ZNF112: variants seen among roughly 807,000 people sequenced by gnomAD.
The protein encoded by ZNF112 is zinc finger protein 112, also known as zinc finger protein 112 (Y14).
ZNF112 carries 37 observed loss-of-function variants against 77.7 expected under a neutral mutation model. That is an observed-to-expected ratio of 0.48 (90% CI 0.37 to 0.63). The LOEUF (loss-of-function observed/expected upper bound fraction) is 0.63. ZNF112 is among the 20% of genes least tolerant of loss of function. The probability of loss-of-function intolerance (pLI) is 0.00; values close to 1 mark genes in which losing one functional copy is unlikely to be tolerated. For missense variants in ZNF112, 950 were observed against 1,077.4 expected (o/e 0.88, Z 1.66); for synonymous variants, 333 against 363.6 (o/e 0.92, Z 0.96).
Position 44,328,653 on chromosome 19 carries a change from A to G in ZNF112, c.1504T>C (p.Trp502Arg). The G allele has an allele frequency of 1.2e-6, 2 of 1,614,110 alleles. No individual in the cohort carries two copies. The highest frequency in any genetic ancestry group is 8.5e-7 in the Non-Finnish European group (1 of 1,180,008). Residue 502 changes from tryptophan (W) to arginine (R), a missense_variant, in exon 4 of 4, where the codon TGG (tryptophan) becomes CGG (arginine). Physicochemically the swap from Trp to Arg is moderately radical, Grantham distance 101. Around this residue, in one of 3 missense-constraint regions of ZNF112, gnomAD observed 560 missense variants for 557.3 expected, o/e 1.00. Coordinates refer to ENST00000354340, the MANE Select transcript of ZNF112 (RefSeq NM_013380.4). ...PRKEHGNGFNWSSKLKDHQRV... is the reference protein window; with the variant it reads ...PRKEHGNGFNRSSKLKDHQRV... ...TGATGATCTTTAAGTTTTGAGCTCC[A>G]GTTGAAGCCATTCCCATGCTCCTTA... is the stretch of plus-strand genomic sequence containing the variant.
At position 44,329,604 on chromosome 19, in the gene ZNF112, A is replaced by C. The variant is rs1568660082; in HGVS notation, c.553T>G (p.Ser185Ala). 6.2e-7 allele frequency: 1 copy of C among 1,614,062 alleles called. No homozygotes were observed. ...TGACATCTACACTGATAATTATGTG[A>C]CTCTTTCAGATACATTTTCCTCCAA... ...HSWRKMYLKE[S>A]HNYQCRCQQI... The change falls in exon 4 of 4, where the codon TCA (serine) becomes GCA (alanine). Residue 185 changes from serine (S) to alanine (A), a missense_variant. By Grantham distance (99) the Ser-to-Ala change is moderately conservative. This residue lies in a region of ZNF112 where 560 missense variants were observed against 557.3 expected (regional missense o/e 1.00). Transcript: ENST00000354340.
chr19:44,333,860 G>A (rs1431045504), intron 3 of ZNF112, among the ~76,000 whole-genome samples: 1 of 152,176 alleles, frequency 6.6e-6, no homozygotes, highest in Non-Finnish European at 1.5e-5. Context: ...CAGAAAAGTG[G>A]GGCATTGCTA....
chr19:44,358,292 T>A (rs7252398), upstream of ZNF112, among the ~76,000 whole-genome samples: 73,586 of 151,970 alleles, frequency 0.48, 19,079 homozygotes, highest in South Asian at 0.65. Context: ...GGATTTTTTT[T>A]TATAAAATGA....
At chr19:44,348,617 C>T (rs1258510779) in intron 1 of ZNF112, among the ~76,000 whole-genome samples, 1 of 151,984 alleles carries the variant, frequency 6.6e-6, no homozygotes, top group Non-Finnish European at 1.5e-5. Context: ...GGACAATCTC[C>T]AAATGTTTGG....
chr19:44,346,006 C>T (rs1029810180), intron 1 of ZNF112, among the ~76,000 whole-genome samples: 4 of 152,164 alleles, frequency 2.6e-5, no homozygotes, highest in Admixed American at 6.5e-5. Flanking sequence ...AGAAGAGACA[C>T]ACAAAAACAA....
At chr19:44,335,798 T>G (rs1187692281) in intron 3 of ZNF112, among the ~76,000 whole-genome samples, 1 of 152,242 alleles carries the variant, frequency 6.6e-6, no homozygotes, top group African/African-American at 2.4e-5. Context: ...GTTAATTTGT[T>G]TTGAATTTTC....
rs575437829 is a variant in ZNF112, at chr19:44,329,425, T to A, written c.732A>T (p.Ser244=). 2.5e-6 allele frequency: 4 copies of A among 1,614,066 alleles called. No homozygotes were observed. The East Asian group carries it at 6.7e-5, about 27-fold the overall frequency. ...IMKVSLLNQE[S]IQTEEKPYPC... is the part of the protein sequence containing the mutation. ...GATAGGGCTTCTCCTCTGTTTGAAT[T>A]GACTCCTGATTAAGTAATGATACCT... The change falls in exon 4 of 4, where the codon TCA becomes TCT. Residue 244 remains serine (S), a synonymous_variant. Transcript: ENST00000354340.
chr19:44,336,437 T>C (rs535686268), intron 3 of ZNF112, among the ~76,000 whole-genome samples, 186 bp downstream of exon 3: 1 of 152,264 alleles, frequency 6.6e-6, no homozygotes, highest in South Asian at 2.1e-4. Context: ...GGTAGGTGAA[T>C]ATGGAAAGTG....
intron 2 of ZNF112, among the ~76,000 whole-genome samples, chr19:44,337,113 C>T (rs919940817): frequency 6.6e-6 from 1 of 151,004 alleles, no homozygotes; most frequent in African/African-American, 2.4e-5. Context: ...TCAAGCAATC[C>T]TCTTGCCTTG....
intron 1 of ZNF112, 93 bp from the exon 2 acceptor site, chr19:44,340,635 A>G (rs1181999710): frequency 6.4e-7 from 1 of 1,570,124 alleles, no homozygotes; most frequent in African/African-American, 1.4e-5. Context: ...AGTCTGGGCA[A>G]CTTGAGTCAC....
At position 44,328,046 on chromosome 19, in the gene ZNF112, C is replaced by A. The variant is rs777735850; in HGVS notation, c.2111G>T (p.Ser704Ile). The A allele has an allele frequency of 6.2e-7, 1 of 1,613,904 alleles. No individual in the cohort carries two copies. The highest frequency in any genetic ancestry group is 8.5e-7 in the Non-Finnish European group (1 of 1,179,958). The change falls in exon 4 of 4, where the codon AGT becomes ATT. Residue 704 changes from serine (S) to isoleucine (I), a missense_variant. Ser to Ile is a moderately radical substitution (Grantham distance 142, BLOSUM62 -2). This residue lies in a region of ZNF112 where 373 missense variants were observed against 482.8 expected (regional missense o/e 0.77). Coordinates refer to ENST00000354340, the MANE Select transcript of ZNF112 (RefSeq NM_013380.4). ...TTCTCCAGAATGGACACTCTGATGA[C>A]TCTGAAGGTATGATCTCTGACTGAA... The part of the protein sequence containing the change: ...KSFSQRSYLQ[S>I]HQSVHSGERP...
intron 1 of ZNF112, among the ~76,000 whole-genome samples, chr19:44,351,080 C>T (rs938920062): frequency 1.3e-5 from 2 of 152,012 alleles, no homozygotes; most frequent in African/African-American, 4.8e-5. Context: ...CATTTCCTTG[C>T]CTTTTCTAAC....
In ZNF112 at chr19:44,327,300, T is replaced by C; in HGVS notation, c.*133A>G. The C allele has an allele frequency of 1.4e-6, 1 of 695,906 alleles. No homozygotes were observed. 43.1% of individuals were successfully genotyped at this position (695,906 alleles called of 1,614,324 possible). A position where few individuals can be genotyped will look rare whatever the true frequency, so the allele number is the denominator to read the frequency against. On this transcript the variant is annotated 3_prime_UTR_variant, in exon 4 of 4. Coordinates refer to ENST00000354340, the MANE Select transcript of ZNF112 (RefSeq NM_013380.4). ...CTCGTGAAACCCCTCTCATTAAATG[T>C]CTCTGTTGTGTGGTCTCCTGGCCAT...
intron 1 of ZNF112, among the ~76,000 whole-genome samples, chr19:44,348,746 C>T (rs1970640330): frequency 6.6e-6 from 1 of 151,902 alleles, no homozygotes; most frequent in Non-Finnish European, 1.5e-5. Context: ...GGAATCAAGA[C>T]TTAAATGCAA....
At chr19:44,361,556 C>A (rs542558022), upstream of ZNF112, among the ~76,000 whole-genome samples, 1 of 152,118 alleles carries the variant, frequency 6.6e-6, no homozygotes, top group Non-Finnish European at 1.5e-5. Context: ...GTCAAAGCTA[C>A]GTACTGTAAT....
chr19:44,360,818 CG>C (rs928990435), upstream of ZNF112, among the ~76,000 whole-genome samples: 12 of 152,084 alleles, frequency 7.9e-5, no homozygotes, highest in African/African-American at 2.9e-4. Flanking sequence ...TTGTAGAGCC[CG>C]ATTTGAAAAG....
intron 3 of ZNF112, 133 bp from the exon 4 acceptor site, chr19:44,330,069 A>T: frequency 1.5e-6 from 1 of 660,336 alleles, no homozygotes; most frequent in Non-Finnish European, 2.5e-6. Flanking sequence ...TTCTAAGAAT[A>T]CTTAGAAAAT....
intron 3 of ZNF112, among the ~76,000 whole-genome samples, chr19:44,330,992 G>A (rs1013575920): frequency 2.0e-5 from 3 of 152,098 alleles, no homozygotes; most frequent in African/African-American, 4.8e-5. Context: ...TTATGTTTGA[G>A]GCATCACATA....
At position 44,327,040 on chromosome 19, in the gene ZNF112, T is replaced by C. The variant is rs1441458131; in HGVS notation, c.*393A>G. ...CTTAAAAATTTCAAACCTTTTACCTTTACATACTTTTAGTTATTTAGCAAA... is the reference window on the plus strand; with the variant it reads ...CTTAAAAATTTCAAACCTTTTACCTCTACATACTTTTAGTTATTTAGCAAA... On this transcript the variant is annotated 3_prime_UTR_variant, in exon 4 of 4. Transcript: ENST00000354340. 2 of 160,254 alleles carry C rather than the reference T, an allele frequency of 1.2e-5. No homozygotes were observed. Among genetic ancestry groups the C allele is most frequent in the African/African-American group, 4.8e-5 (2 of 41,650 alleles). The allele number at this position is 160,254 out of a possible 1,614,324, so 9.9% of individuals were successfully genotyped here. A position where few individuals can be genotyped will look rare whatever the true frequency, so the allele number is the denominator to read the frequency against.
Sources: allele counts gnomAD v4.1 joint callset (sites outside exome capture counted in the v4.1 genomes callset), GRCh38; gene constraint gnomAD v4.1.1; regional missense constraint gnomAD v4.1.1; transcripts MANE v1.5; gene names NCBI Gene and HGNC (gene_info 2026-07-23, HGNC 2026-07-21).